The following NCAM2 variants were observed in gnomAD, a reference collection of about 807,000 sequenced individuals.
The protein encoded by NCAM2 is neural cell adhesion molecule 2.
Under a neutral mutation model 98.1 loss-of-function variants are expected in NCAM2, and 30 were observed. The observed-to-expected ratio is 0.31, with a 90% CI of 0.23 to 0.41. NCAM2 has a LOEUF of 0.41. NCAM2 is among the 10% of genes least tolerant of loss of function. NCAM2 has a pLI of 1.00. For missense variants in NCAM2, 867 were observed against 1,005.8 expected, an observed-to-expected ratio of 0.86 and a Z score of 1.87; for synonymous variants, 368 against 342.4, an observed-to-expected ratio of 1.07 and a Z score of -0.83.
intron 1 of NCAM2, among the ~76,000 whole-genome samples, chr21:21,276,638 A>G (rs1012697164): frequency 1.3e-5 from 2 of 152,116 alleles, no homozygotes; most frequent in Admixed American, 1.3e-4. Flanking sequence ...TGGGTCAAAA[A>G]TCAGCCACTA....
intron 9 of NCAM2, among the ~76,000 whole-genome samples, chr21:21,376,180 A>G (rs2076029178): frequency 6.6e-6 from 1 of 151,872 alleles, no homozygotes; most frequent in Non-Finnish European, 1.5e-5. Flanking sequence ...AGATACTTTT[A>G]TTCAAGCGTA....
At chr21:21,193,675 C>T (rs1201557975) in intron 1 of NCAM2, among the ~76,000 whole-genome samples, 2 of 151,512 alleles carry the variant, frequency 1.3e-5, no homozygotes, top group Admixed American at 1.3e-4. Flanking sequence ...TTTGTATTTT[C>T]AGAAGAGATG....
chr21:21,353,002 C>T (rs536566251), intron 8 of NCAM2, among the ~76,000 whole-genome samples: 68 of 151,874 alleles, frequency 4.5e-4, no homozygotes, highest in African/African-American at 1.5e-3. Flanking sequence ...TACAGGTGCC[C>T]GCCACCATGC....
intron 8 of NCAM2, among the ~76,000 whole-genome samples, chr21:21,351,347 A>C (rs2075334233): frequency 6.6e-6 from 1 of 152,016 alleles, no homozygotes; most frequent in Non-Finnish European, 1.5e-5. Context: ...CAACAGCTTA[A>C]ACTTTTCATA....
chr21:21,202,244 A>G (rs550843111), intron 1 of NCAM2, among the ~76,000 whole-genome samples: 27 of 152,192 alleles, frequency 1.8e-4, no homozygotes, highest in African/African-American at 4.8e-4. Flanking sequence ...TCTGGTGATA[A>G]TAATTGTACA....
chr21:21,399,759 C>A (rs232448), intron 9 of NCAM2, among the ~76,000 whole-genome samples: 3 of 152,088 alleles, frequency 2.0e-5, no homozygotes, highest in Non-Finnish European at 1.5e-5. Flanking sequence ...ATCAGCTTCA[C>A]CCTGCTCAGA....
intron 1 of NCAM2, among the ~76,000 whole-genome samples, chr21:21,069,388 A>G (rs1428107435): frequency 6.6e-6 from 1 of 152,228 alleles, no homozygotes; most frequent in African/African-American, 2.4e-5. Flanking sequence ...GTTAGCTATC[A>G]ACATCATCTC....
At chr21:21,356,926 G>GT (rs1377299846) in intron 8 of NCAM2, among the ~76,000 whole-genome samples, 1 of 151,932 alleles carries the variant, frequency 6.6e-6, no homozygotes, top group Non-Finnish European at 1.5e-5. Context: ...GGAGGCGGAG[G>GT]TTGCAGGAGC....
chr21:21,053,926 G>T (rs7279055), intron 1 of NCAM2, among the ~76,000 whole-genome samples: 133,057 of 150,802 alleles, frequency 0.88, 59,173 homozygotes, highest in Middle Eastern at 0.96. Flanking sequence ...GTTCCTATAG[G>T]TTTAGGATTA....
chr21:21,181,473 C>A (rs2068465966), intron 1 of NCAM2, among the ~76,000 whole-genome samples: 1 of 152,102 alleles, frequency 6.6e-6, no homozygotes, highest in African/African-American at 2.4e-5. Context: ...ATTACCAAAA[C>A]CTTGTTGCAT....
chr21:21,130,315 T>A (rs756353370), intron 1 of NCAM2, among the ~76,000 whole-genome samples: 71 of 152,242 alleles, frequency 4.7e-4, no homozygotes, highest in Middle Eastern at 3.4e-3. Flanking sequence ...TCTGGGGAAA[T>A]TAATATTGTC....
At chr21:21,129,329 C>T (rs2066889031) in intron 1 of NCAM2, among the ~76,000 whole-genome samples, 1 of 151,902 alleles carries the variant, frequency 6.6e-6, no homozygotes, top group African/African-American at 2.4e-5. Flanking sequence ...TTATGATTAC[C>T]ACAGTCAACA....
rs1236741603 is a variant in NCAM2, at chr21:21,387,176, GCACACACACATACACACACACA to G, written c.1195+13174_1195+13195del. Among the ~76,000 whole-genome samples the G allele has an allele frequency of 1.1e-3, 133 of 125,504 alleles. 1 individual carries two copies. The highest frequency in any genetic ancestry group is 2.9e-3 in the African/African-American group (98 of 33,368). 82.3% of individuals were successfully genotyped at this position (125,504 alleles called of 152,430 possible). A position where few individuals can be genotyped will look rare whatever the true frequency, so the allele number is the denominator to read the frequency against. ...TACTGGCATGGCCTTTACTTGGTGC[GCACACACACATACACACACACA>G]CACACACACACACACACACACACAC... On this transcript the variant is annotated intron_variant, in intron 9 of 17. Coordinates refer to ENST00000400546, the MANE Select transcript of NCAM2 (RefSeq NM_004540.5).
chr21:21,092,139 C>T (rs1354691711), intron 1 of NCAM2, among the ~76,000 whole-genome samples: 1 of 151,998 alleles, frequency 6.6e-6, no homozygotes, highest in Non-Finnish European at 1.5e-5. Flanking sequence ...CCTGTGATCA[C>T]AAGGGTCTGT....
chr21:21,080,166 T>G (rs2065762261), intron 1 of NCAM2, among the ~76,000 whole-genome samples: 1 of 152,170 alleles, frequency 6.6e-6, no homozygotes. Flanking sequence ...GTAATGATGG[T>G]TTTATGGGTG....
intron 1 of NCAM2, among the ~76,000 whole-genome samples, chr21:21,102,045 T>C (rs1412264812): frequency 1.3e-5 from 2 of 152,062 alleles, no homozygotes; most frequent in African/African-American, 4.8e-5. Context: ...ACATTGATGT[T>C]GTGGAAGCAC....
intron 1 of NCAM2, among the ~76,000 whole-genome samples, chr21:21,206,477 G>T (rs932863470): frequency 1.1e-4 from 16 of 152,226 alleles, no homozygotes; most frequent in East Asian, 9.7e-4. Context: ...TGACCTTGCA[G>T]AAAGACTCCT....
intron 14 of NCAM2, 60 bp from the exon 15 acceptor site, chr21:21,477,231 T>A (rs918404396): frequency 2.9e-5 from 38 of 1,316,534 alleles, no homozygotes; most frequent in Admixed American, 2.5e-4. Context: ...ATAATTTTTT[T>A]AAAAAGGTGT....
intron 15 of NCAM2, among the ~76,000 whole-genome samples, chr21:21,508,346 C>T (rs1015460239): frequency 1.4e-4 from 21 of 152,148 alleles, no homozygotes; most frequent in South Asian, 4.1e-4. Flanking sequence ...GTTAAAATAA[C>T]GCGCTCAGAA....
Sources: allele counts gnomAD v4.1 joint callset (sites outside exome capture counted in the v4.1 genomes callset), GRCh38; gene constraint gnomAD v4.1.1; transcripts MANE v1.5; gene names NCBI Gene and HGNC (gene_info 2026-07-23, HGNC 2026-07-21).